The following NTM variants were observed in gnomAD, a reference collection of about 807,000 sequenced individuals.
NTM encodes the protein IgLON family member 2.
NTM carries 13 observed loss-of-function variants against 42.1 expected under a neutral mutation model. The observed-to-expected ratio is 0.31, with a 90% CI of 0.20 to 0.49. NTM has a LOEUF of 0.49. Among genes scored for constraint, NTM ranks in the 20% least tolerant of loss-of-function variants. The pLI, the probability that NTM is intolerant of heterozygous loss-of-function variation, is 0.99. For missense variants in NTM, 373 were observed against 452.8 expected, an observed-to-expected ratio of 0.82 and a Z score of 1.60; for synonymous variants, 187 against 179.2, an observed-to-expected ratio of 1.04 and a Z score of -0.35.
chr11:131,564,461 G>GGA (rs745941517), intron 1 of NTM, among the ~76,000 whole-genome samples: 126 of 151,436 alleles, frequency 8.3e-4, no homozygotes, highest in African/African-American at 2.6e-3. Flanking sequence ...AGAGAGGGAG[G>GGA]GAGAGAGAGA....
At chr11:132,282,286 T>C (rs1463796957) in intron 4 of NTM, among the ~76,000 whole-genome samples, 1 of 152,220 alleles carries the variant, frequency 6.6e-6, no homozygotes, top group East Asian at 1.9e-4. Flanking sequence ...AAAATCTTCA[T>C]GAAATATTCC....
At chr11:131,380,965 C>G (rs1443706682) in intron 1 of NTM, among the ~76,000 whole-genome samples, 1 of 152,050 alleles carries the variant, frequency 6.6e-6, no homozygotes, top group African/African-American at 2.4e-5. Context: ...AATCTTTTTT[C>G]CCGTATATTA....
intron 2 of NTM, among the ~76,000 whole-genome samples, chr11:132,006,233 A>G (rs2070748257): frequency 6.6e-6 from 1 of 152,132 alleles, no homozygotes; most frequent in Non-Finnish European, 1.5e-5. Flanking sequence ...GAGACCTAGC[A>G]CCCGCATCTC....
chr11:131,930,162 A>G (rs7120619), intron 2 of NTM, among the ~76,000 whole-genome samples: 8,847 of 152,286 alleles, frequency 0.058, 847 homozygotes, highest in African/African-American at 0.2. Flanking sequence ...TTAAAAGGCA[A>G]TAATAATATA....
At chr11:131,999,969 C>T (rs997805235) in intron 2 of NTM, among the ~76,000 whole-genome samples, 1 of 152,144 alleles carries the variant, frequency 6.6e-6, no homozygotes, top group African/African-American at 2.4e-5. Flanking sequence ...TGATTTCTAA[C>T]ATGACTTTTT....
chr11:131,626,719 G>A (rs1196594713), intron 1 of NTM, among the ~76,000 whole-genome samples: 2 of 152,224 alleles, frequency 1.3e-5, no homozygotes, highest in African/African-American at 4.8e-5. Flanking sequence ...GCTCCTAGAC[G>A]ATCTCTACTT....
chr11:131,552,415 A>G (rs1233775195), intron 1 of NTM, among the ~76,000 whole-genome samples: 12 of 151,812 alleles, frequency 7.9e-5, no homozygotes, highest in African/African-American at 2.7e-4. Context: ...CAAGGGGACC[A>G]GGGCAGGAAT....
At chr11:131,484,034 C>T (rs547922673) in intron 1 of NTM, among the ~76,000 whole-genome samples, 11 of 152,290 alleles carry the variant, frequency 7.2e-5, no homozygotes, top group South Asian at 2.1e-4. Flanking sequence ...TTTTCTTTGT[C>T]GGAGACAACA....
intron 1 of NTM, among the ~76,000 whole-genome samples, chr11:131,733,232 C>T (rs56268584): frequency 1.4e-3 from 217 of 152,202 alleles, no homozygotes; most frequent in African/African-American, 5.0e-3. Context: ...ATGTTACTCT[C>T]CTAGGTAGAA....
At chr11:131,598,535 T>C (rs116676921) in intron 1 of NTM, among the ~76,000 whole-genome samples, 9 of 152,232 alleles carry the variant, frequency 5.9e-5, no homozygotes, top group African/African-American at 1.9e-4. Context: ...GTCACATGTG[T>C]GCACTCGGGG....
intron 1 of NTM, among the ~76,000 whole-genome samples, chr11:131,739,667 T>C (rs145467946): frequency 8.5e-5 from 13 of 152,222 alleles, no homozygotes; most frequent in African/African-American, 3.1e-4. Context: ...TTACTTCCAG[T>C]GGATGAATGG....
At position 132,314,534 on chromosome 11, in the gene NTM, G is replaced by GTCTT. The variant is rs764655412; in HGVS notation, c.783-16_783-13dup. The GTCTT allele has an allele frequency of 5.0e-6, 8 of 1,595,340 alleles. No homozygotes were observed. Among genetic ancestry groups the GTCTT allele is most frequent in the East Asian group, 4.5e-5 (2 of 44,618 alleles). On this transcript the variant is annotated splice_polypyrimidine_tract_variant and intron_variant, in intron 6 of 8. Coordinates refer to ENST00000683400, the MANE Select transcript of NTM (RefSeq NM_001352005.2). ...TAACCATCTTGTTTTCTTCTTTTTT[G>GTCTT]TCTTTTGTTTCTCTCAGACTGATTG...
chr11:131,951,283 G>C (rs1219279336), intron 2 of NTM, among the ~76,000 whole-genome samples: 1 of 152,098 alleles, frequency 6.6e-6, no homozygotes, highest in East Asian at 1.9e-4. Context: ...ATGGCCTTGA[G>C]CCTTCTCGGC....
At position 131,909,022 on chromosome 11, in the gene NTM, C is replaced by T. The variant is rs185307279; in HGVS notation, c.83-2542C>T. On this transcript the variant is annotated intron_variant, in intron 1 of 8. Coordinates refer to ENST00000683400, the MANE Select transcript of NTM (RefSeq NM_001352005.2). The stretch of plus-strand genomic sequence containing the variant: ...GGCCAAAAGTAGCAGATGAGTTTCC[C>T]TGAGAATTTAATATCAGAAAAGTCA... 3.2e-3 allele frequency among the ~76,000 whole-genome samples: 482 copies of T among 152,282 alleles called. 2 individuals carry two copies. Among genetic ancestry groups the T allele is most frequent in the African/African-American group, 0.011 (448 of 41,548 alleles).
At chr11:131,650,391 TG>T (rs1398413852) in intron 1 of NTM, among the ~76,000 whole-genome samples, 4 of 152,218 alleles carry the variant, frequency 2.6e-5, no homozygotes, top group African/African-American at 7.2e-5. Context: ...CATTGGATGA[TG>T]TTGGTCTGCA....
At chr11:131,897,710 A>G (rs906063496) in intron 1 of NTM, among the ~76,000 whole-genome samples, 3 of 152,214 alleles carry the variant, frequency 2.0e-5, no homozygotes, top group African/African-American at 7.2e-5. Context: ...ACACCTGGGA[A>G]ACTCTAGGAT....
At chr11:131,999,237 C>A (rs2068710409) in intron 2 of NTM, among the ~76,000 whole-genome samples, 1 of 152,150 alleles carries the variant, frequency 6.6e-6, no homozygotes, top group Non-Finnish European at 1.5e-5. Context: ...TGGCAACCAC[C>A]TCTTTCCCTT....
intron 2 of NTM, among the ~76,000 whole-genome samples, chr11:131,968,163 TCTC>T (rs1183441061): frequency 1.3e-5 from 2 of 152,092 alleles, no homozygotes; most frequent in Non-Finnish European, 2.9e-5. Context: ...TGAATAAGGA[TCTC>T]CTCCCCTACA....
At chr11:131,667,674 A>G (rs1156413723) in intron 1 of NTM, among the ~76,000 whole-genome samples, 1 of 152,192 alleles carries the variant, frequency 6.6e-6, no homozygotes, top group East Asian at 1.9e-4. Context: ...TTCTCTCAAC[A>G]GGAATAGCCC....
Sources: allele counts gnomAD v4.1 joint callset (sites outside exome capture counted in the v4.1 genomes callset), GRCh38; gene constraint gnomAD v4.1.1; transcripts MANE v1.5; gene names NCBI Gene and HGNC (gene_info 2026-07-23, HGNC 2026-07-21).